Variants in EXOC6B observed in about 807,000 individuals in gnomAD.
EXOC6B encodes the protein exocyst complex component 6B, also known as SEC15 homolog B.
A neutral mutation model predicts 113.5 loss-of-function variants in EXOC6B; 54 were observed. The ratio of observed to expected loss-of-function variants is 0.48; its 90% confidence interval spans 0.38 to 0.60. The LOEUF is 0.60. Among genes scored for constraint, EXOC6B ranks in the 20% least tolerant of loss-of-function variants. EXOC6B has a pLI of 0.00. For synonymous variants in EXOC6B, 357 were observed against 339.0 expected (o/e 1.05, Z -0.58); for missense variants, 797 against 977.5 (o/e 0.82, Z 2.46).
At chr2:72,185,174 C>G (rs1678343415) in intron 20 of EXOC6B, among the ~76,000 whole-genome samples, 1 of 152,264 alleles carries the variant, frequency 6.6e-6, no homozygotes, top group South Asian at 2.1e-4. Flanking sequence ...AGAACCCTCA[C>G]AGTACTTTTT....
intron 6 of EXOC6B, among the ~76,000 whole-genome samples, chr2:72,594,017 G>A (rs564909835): frequency 1.1e-4 from 16 of 152,206 alleles, no homozygotes; most frequent in South Asian, 1.0e-3. Flanking sequence ...CTTTTACTGC[G>A]TTGTCCAGGC....
intron 1 of EXOC6B, among the ~76,000 whole-genome samples, chr2:72,754,616 C>CCT (rs1368303847): frequency 2.3e-4 from 31 of 135,290 alleles, no homozygotes; most frequent in African/African-American, 7.8e-4. Context: ...TTTTTTTTTT[C>CCT]TTTTTTTTTT....
intron 11 of EXOC6B, among the ~76,000 whole-genome samples, chr2:72,505,165 T>C (rs971734302): frequency 6.6e-6 from 1 of 152,194 alleles, no homozygotes; most frequent in Non-Finnish European, 1.5e-5. Context: ...TCCTTCCATA[T>C]CCTGAATCAT....
chr2:72,541,956 G>A (rs775027961), intron 8 of EXOC6B, among the ~76,000 whole-genome samples: 9 of 152,138 alleles, frequency 5.9e-5, no homozygotes, highest in Non-Finnish European at 7.3e-5. Context: ...TTACAGGTGT[G>A]AGCCACCACA....
chr2:72,547,113 G>A (rs914727572), intron 8 of EXOC6B, among the ~76,000 whole-genome samples: 1 of 152,224 alleles, frequency 6.6e-6, no homozygotes, highest in Non-Finnish European at 1.5e-5. Context: ...AAATCTCAGA[G>A]GCCCCTTGAT....
chr2:72,762,009 G>T (rs577661789), intron 1 of EXOC6B, among the ~76,000 whole-genome samples: 2 of 152,190 alleles, frequency 1.3e-5, no homozygotes, highest in Non-Finnish European at 2.9e-5. Context: ...ACTTTGGGAG[G>T]CTGAGGCAGG....
chr2:72,212,822 G>T (rs58173605), intron 20 of EXOC6B, among the ~76,000 whole-genome samples: 11,422 of 152,230 alleles, frequency 0.075, 610 homozygotes, highest in African/African-American at 0.15. Flanking sequence ...ACTATAGCAG[G>T]ATAAGAGGCA....
At chr2:72,236,299 A>T (rs1381313028) in intron 20 of EXOC6B, among the ~76,000 whole-genome samples, 1 of 152,206 alleles carries the variant, frequency 6.6e-6, no homozygotes, top group East Asian at 1.9e-4. Flanking sequence ...CTAATACACA[A>T]GACGAGATTA....
At chr2:72,511,989 C>G (rs1320679140) in intron 11 of EXOC6B, among the ~76,000 whole-genome samples, 2 of 152,096 alleles carry the variant, frequency 1.3e-5, no homozygotes, top group African/African-American at 2.4e-5. Context: ...TGACTCCTCA[C>G]TATTATTCCT....
intron 2 of EXOC6B, among the ~76,000 whole-genome samples, chr2:72,741,062 C>G (rs992051782): frequency 6.6e-6 from 1 of 151,890 alleles, no homozygotes; most frequent in Non-Finnish European, 1.5e-5. Flanking sequence ...CGAGATCGCA[C>G]CACTGCACTC....
At chr2:72,436,938 C>A (rs968248878) in intron 18 of EXOC6B, among the ~76,000 whole-genome samples, 1 of 152,104 alleles carries the variant, frequency 6.6e-6, no homozygotes, top group Non-Finnish European at 1.5e-5. Flanking sequence ...CAGTTTTGTT[C>A]TCTTGCTTAT....
chr2:72,503,035 T>C (rs979001252), intron 11 of EXOC6B, among the ~76,000 whole-genome samples: 7 of 152,212 alleles, frequency 4.6e-5, no homozygotes, highest in African/African-American at 1.7e-4. Flanking sequence ...TTTGGATTCA[T>C]ACCATCCTTT....
intron 20 of EXOC6B, among the ~76,000 whole-genome samples, chr2:72,301,730 CTCTTT>C (rs541412040): frequency 7.2e-5 from 11 of 152,156 alleles, no homozygotes; most frequent in African/African-American, 2.2e-4. Flanking sequence ...TCTATTTTGT[CTCTTT>C]TCTTTTTTAT....
intron 20 of EXOC6B, among the ~76,000 whole-genome samples, chr2:72,305,356 A>G (rs935769961): frequency 1.7e-5 from 2 of 120,838 alleles, no homozygotes; most frequent in Non-Finnish European, 3.3e-5. Flanking sequence ...ATGTATATGT[A>G]TATGTATATG....
chr2:72,291,061 A>G (rs1426981316), intron 20 of EXOC6B, among the ~76,000 whole-genome samples: 4 of 152,166 alleles, frequency 2.6e-5, no homozygotes, highest in African/African-American at 9.7e-5. Context: ...ATTACTGTAA[A>G]TTCCATAGCT....
chr2:72,345,154 T>C (rs1689257475), intron 19 of EXOC6B, among the ~76,000 whole-genome samples: 1 of 152,172 alleles, frequency 6.6e-6, no homozygotes, highest in Non-Finnish European at 1.5e-5. Context: ...CACACTTTAA[T>C]GTCCAAGCCT....
At chr2:72,681,495 T>C (rs1430896092) in intron 6 of EXOC6B, among the ~76,000 whole-genome samples, 1 of 152,192 alleles carries the variant, frequency 6.6e-6, no homozygotes, top group Admixed American at 6.6e-5. Flanking sequence ...GGGCTTTCAA[T>C]TACTGTTAAG....
chr2:72,449,986 G>C (rs1323664738), intron 18 of EXOC6B, among the ~76,000 whole-genome samples: 2 of 152,130 alleles, frequency 1.3e-5, no homozygotes, highest in Non-Finnish European at 2.9e-5. Flanking sequence ...ACTTATAACA[G>C]AAAGAGCAAC....
chr2:72,580,853 T>C (rs1705178151), intron 6 of EXOC6B, among the ~76,000 whole-genome samples: 1 of 152,236 alleles, frequency 6.6e-6, no homozygotes, highest in Non-Finnish European at 1.5e-5. Flanking sequence ...AATGTTTCTT[T>C]GCTTTGTTCC....
Sources: allele counts gnomAD v4.1 joint callset (sites outside exome capture counted in the v4.1 genomes callset), GRCh38; gene constraint gnomAD v4.1.1; transcripts MANE v1.5; gene names NCBI Gene and HGNC (gene_info 2026-07-23, HGNC 2026-07-21).